KCNH7: variants seen among roughly 807,000 people sequenced by gnomAD.
KCNH7 encodes potassium voltage-gated channel subfamily H member 7.
KCNH7 carries 49 observed loss-of-function variants against 120.8 expected under a neutral mutation model. That is an observed-to-expected ratio of 0.41 (90% CI 0.32 to 0.51). The LOEUF (loss-of-function observed/expected upper bound fraction) is 0.51. Ranked by LOEUF, KCNH7 falls within the 20% of genes least tolerant of loss-of-function variation. The probability of loss-of-function intolerance (pLI) is 0.38; values close to 1 mark genes in which losing one functional copy is unlikely to be tolerated. For synonymous variants in KCNH7, 547 were observed against 516.1 expected, an observed-to-expected ratio of 1.06 and a Z score of -0.81; for missense variants, 1,097 against 1,446.6, an observed-to-expected ratio of 0.76 and a Z score of 3.92.
intron 2 of KCNH7, among the ~76,000 whole-genome samples, chr2:162,550,197 T>G (rs1025549857): frequency 1.3e-5 from 2 of 152,128 alleles, no homozygotes; most frequent in African/African-American, 2.4e-5. Context: ...GCACAAATAT[T>G]TGGGATATGC....
intron 2 of KCNH7, among the ~76,000 whole-genome samples, chr2:162,711,460 T>G (rs545298059): frequency 6.6e-6 from 1 of 152,258 alleles, no homozygotes; most frequent in African/African-American, 2.4e-5. Context: ...GAAAGACTTC[T>G]GCAACGTGCG....
chr2:162,630,200 TG>T (rs1574193997), intron 2 of KCNH7, among the ~76,000 whole-genome samples: 1 of 152,102 alleles, frequency 6.6e-6, no homozygotes, highest in East Asian at 1.9e-4. Context: ...AGTTAAGTTT[TG>T]CAAATATTGA....
chr2:162,672,409 C>G (rs960132444), intron 2 of KCNH7, among the ~76,000 whole-genome samples: 1 of 151,946 alleles, frequency 6.6e-6, no homozygotes, highest in African/African-American at 2.4e-5. Flanking sequence ...GTAAATGTAA[C>G]TCATGGCTCA....
intron 2 of KCNH7, among the ~76,000 whole-genome samples, chr2:162,568,081 T>C (rs969020827): frequency 2.3e-4 from 35 of 151,876 alleles, no homozygotes; most frequent in African/African-American, 2.4e-5. Flanking sequence ...TGGTGGAAAG[T>C]GGAGCAAACA....
At chr2:162,511,384 C>T (rs1329454157) in intron 5 of KCNH7, among the ~76,000 whole-genome samples, 4 of 150,792 alleles carry the variant, frequency 2.7e-5, no homozygotes, top group Non-Finnish European at 5.9e-5. Context: ...TATCTGTATC[C>T]TGCTTCTTGA....
intron 2 of KCNH7, among the ~76,000 whole-genome samples, chr2:162,578,921 T>C (rs1693776563): frequency 6.7e-6 from 1 of 149,904 alleles, no homozygotes; most frequent in African/African-American, 2.5e-5. Context: ...TTCATTCAGA[T>C]TTATGAGTTT....
chr2:162,538,764 T>C (rs1692199705), intron 2 of KCNH7, among the ~76,000 whole-genome samples: 1 of 152,096 alleles, frequency 6.6e-6, no homozygotes, highest in Admixed American at 6.6e-5. Flanking sequence ...CCTGGAGATC[T>C]AACAATTATT....
Position 162,484,256 on chromosome 2 carries a change from C to G in KCNH7, c.1128+20187G>C, listed in dbSNP as rs77518035. Among the ~76,000 whole-genome samples, 612 of 146,170 alleles carry G rather than the reference C, an allele frequency of 4.2e-3. 11 individuals carry two copies. The highest frequency in any genetic ancestry group is 0.035 in the East Asian group (173 of 4,984). On this transcript the variant is annotated intron_variant, in intron 6 of 15. Coordinates refer to ENST00000332142, the MANE Select transcript of KCNH7 (RefSeq NM_033272.4). Reference sequence around the variant, plus strand: ...ACACACACACACACACACAGAGAGACACACACACACAGTCTTAAGAGAAAG... The same window carrying G: ...ACACACACACACACACACAGAGAGAGACACACACACAGTCTTAAGAGAAAG...
At chr2:162,433,219 G>T (rs1180752900) in intron 8 of KCNH7, among the ~76,000 whole-genome samples, 1 of 152,072 alleles carries the variant, frequency 6.6e-6, no homozygotes, top group African/African-American at 2.4e-5. Context: ...GCAATTTACA[G>T]ATTCAATGCT....
At chr2:162,532,304 C>A (rs1691950429) in intron 3 of KCNH7, among the ~76,000 whole-genome samples, 1 of 151,838 alleles carries the variant, frequency 6.6e-6, no homozygotes, top group Admixed American at 6.6e-5. Flanking sequence ...ACAGAGTTCA[C>A]CTTCAGCAGA....
rs1190316853 is a variant in KCNH7, at chr2:162,838,711, C to T, written c.-193G>A. The stretch of plus-strand genomic sequence containing the variant: ...CCCCACCGGAGTCCAATCCATTCCC[C>T]TCACCTTCCGGAGGGGGCCTCGCAC... On this transcript the variant is annotated 5_prime_UTR_variant, in exon 1 of 16. Transcript: ENST00000332142. The T allele has an allele frequency of 2.0e-5, 9 of 458,148 alleles. No homozygotes were observed. Among genetic ancestry groups the T allele is most frequent in the Non-Finnish European group, 2.3e-5 (6 of 257,508 alleles). 28.4% of individuals were successfully genotyped at this position (458,148 alleles called of 1,614,324 possible). A position where few individuals can be genotyped will look rare whatever the true frequency, so the allele number is the denominator to read the frequency against.
intron 2 of KCNH7, among the ~76,000 whole-genome samples, chr2:162,705,028 C>G (rs1466090317): frequency 6.6e-6 from 1 of 152,078 alleles, no homozygotes; most frequent in African/African-American, 2.4e-5. Context: ...TTTTGTAAAT[C>G]ATAATTCATG....
At chr2:162,743,277 T>C (rs1318077519) in intron 2 of KCNH7, among the ~76,000 whole-genome samples, 1 of 152,076 alleles carries the variant, frequency 6.6e-6, no homozygotes, top group Non-Finnish European at 1.5e-5. Flanking sequence ...CCTTGTGCAT[T>C]TGTTCAAAAA....
At chr2:162,826,658 T>G (rs1005551065) in intron 2 of KCNH7, among the ~76,000 whole-genome samples, 7 of 152,152 alleles carry the variant, frequency 4.6e-5, no homozygotes, top group African/African-American at 1.7e-4. Flanking sequence ...ATGATATCTT[T>G]CCAGACTCTG....
chr2:162,695,527 G>A (rs1686260817), intron 2 of KCNH7, among the ~76,000 whole-genome samples: 1 of 152,176 alleles, frequency 6.6e-6, no homozygotes, highest in East Asian at 1.9e-4. Flanking sequence ...GGATATTTGA[G>A]TCTCTGTGCT....
chr2:162,436,883 T>A (rs1341926918), intron 7 of KCNH7, among the ~76,000 whole-genome samples: 1 of 152,170 alleles, frequency 6.6e-6, no homozygotes, highest in East Asian at 1.9e-4. Context: ...GCTGAAGCAG[T>A]AGGATCACTT....
intron 3 of KCNH7, among the ~76,000 whole-genome samples, chr2:162,518,718 A>G (rs1242692201): frequency 6.6e-6 from 1 of 151,682 alleles, no homozygotes; most frequent in East Asian, 2.0e-4. Context: ...ACTGTGTATG[A>G]GAGGTTTATC....
chr2:162,761,028 G>T (rs2105450941), intron 2 of KCNH7, among the ~76,000 whole-genome samples: 1 of 152,186 alleles, frequency 6.6e-6, no homozygotes, highest in Non-Finnish European at 1.5e-5. Flanking sequence ...TTCTACCTAA[G>T]AGTCAGGTGG....
At chr2:162,595,170 A>G (rs570787327) in intron 2 of KCNH7, among the ~76,000 whole-genome samples, 10 of 152,152 alleles carry the variant, frequency 6.6e-5, no homozygotes, top group Non-Finnish European at 1.5e-4. Context: ...GAAACTTACA[A>G]TCATGGCAGA....
Sources: gnomAD v4.1 joint callset for allele counts (sites outside exome capture counted in the v4.1 genomes callset) on GRCh38, gnomAD v4.1.1 for gene constraint, MANE v1.5 for transcripts, NCBI Gene and HGNC (gene_info 2026-07-23, HGNC 2026-07-21) for gene names.